The following CNTLN variants were observed in gnomAD, a reference collection of about 807,000 sequenced individuals.
CNTLN encodes the protein centlein, also known as centlein, centrosomal protein.
In CNTLN, 212 loss-of-function variants were observed where a neutral mutation model predicts 180.0. The observed-to-expected ratio is 1.18, with a 90% CI of 1.05 to 1.32. The LOEUF is 1.32. CNTLN is among the 40% of genes most tolerant of loss of function. The pLI is 0.00. For missense variants in CNTLN, 2,095 were observed against 1,610.9 expected (o/e 1.30, Z -5.14); for synonymous variants, 722 against 563.1 (o/e 1.28, Z -3.99).
At chr9:17,293,095 G>A (rs990811111) in intron 6 of CNTLN, among the ~76,000 whole-genome samples, 2 of 152,206 alleles carry the variant, frequency 1.3e-5, no homozygotes. Flanking sequence ...GCACCTGCAG[G>A]TATCAACAGT....
chr9:17,395,030 A>C lies in CNTLN; in HGVS notation c.2576A>C (p.Asn859Thr). 1 of 1,611,392 alleles carries C rather than the reference A, an allele frequency of 6.2e-7. No individual in the cohort carries two copies. Among genetic ancestry groups the C allele is most frequent in the Non-Finnish European group, 8.5e-7 (1 of 1,178,160 alleles). ...SIKVMSNVFE[N>T]LSKDGWEDVS... Reference sequence around the variant, plus strand: ...AAGGTTATGAGCAATGTGTTTGAGAACCTCAGCAAGGACGGCTGGGAGGAT... The same window carrying C: ...AAGGTTATGAGCAATGTGTTTGAGACCCTCAGCAAGGACGGCTGGGAGGAT... Residue 859 changes from asparagine to threonine, a missense_variant, in exon 15 of 26, where the codon AAC (asparagine) becomes ACC (threonine). Transcript: ENST00000380647.
Position 17,463,119 on chromosome 9 carries a change from A to G in CNTLN, c.3404+106A>G, listed in dbSNP as rs559991048. ...GCTAATGTTTACGTTTTCCTTCCCT[A>G]GTTCATATTTAAACCTACCTAAGAT... On this transcript the variant is annotated intron_variant, in intron 20 of 25. Coordinates refer to ENST00000380647, the MANE Select transcript of CNTLN (RefSeq NM_017738.4). The G allele has an allele frequency of 1.2e-3, 727 of 632,084 alleles. 1 individual carries two copies. Among genetic ancestry groups the G allele is most frequent in the Non-Finnish European group, 1.5e-3 (538 of 361,940 alleles). The allele number at this position is 632,084 out of a possible 1,614,324, so 39.2% of individuals were successfully genotyped here. A position where few individuals can be genotyped will look rare whatever the true frequency, so the allele number is the denominator to read the frequency against.
At position 17,135,261 on chromosome 9, in the gene CNTLN, C is replaced by T. The variant is rs2774619; in HGVS notation, c.196C>T (p.Arg66Trp). The T allele has an allele frequency of 8.4e-3, 13,487 of 1,603,302 alleles. 962 individuals are homozygous for T. The African/African-American group carries it at 0.16, about 19-fold the overall frequency. The stretch of plus-strand genomic sequence containing the variant: ...GGTGGGTGAAGAAGGGTCAGGGGGC[C>T]GGCGAGGGCCTGGGGGGGCAGCTCC... ...IWVGEEGSGG[R>W]RGPGGAAPAH... Residue 66 changes from arginine (R) to tryptophan (W), a missense_variant, in exon 1 of 26, where the codon CGG (arginine) becomes TGG (tryptophan). Transcript: ENST00000380647.
At chr9:17,317,394 A>G (rs570381168) in intron 8 of CNTLN, among the ~76,000 whole-genome samples, 8 of 152,326 alleles carry the variant, frequency 5.3e-5, no homozygotes, top group African/African-American at 1.7e-4. Context: ...CATACTGTTA[A>G]CTACAACTCT....
rs113870887 is a variant in CNTLN at position 17,373,438 on chromosome 9, A to G, written c.1987+6721A>G. The stretch of plus-strand genomic sequence containing the variant: ...CGGAGAAGTGAAGAATCTTCCTACA[A>G]TAAAAACTATAGAATATTGATGAAA... On this transcript the variant is annotated intron_variant, in intron 13 of 25. Coordinates refer to ENST00000380647, the MANE Select transcript of CNTLN (RefSeq NM_017738.4). Among the ~76,000 whole-genome samples, 11 of 152,266 alleles carry G rather than the reference A, an allele frequency of 7.2e-5. 1 individual carries two copies. The highest frequency in any genetic ancestry group is 2.4e-4 in the African/African-American group (10 of 41,574).
Position 17,166,206 on chromosome 9 carries a change from CAAAA to C in CNTLN, c.449+22834_449+22837del, listed in dbSNP as rs551516248. ...GTGGATGTGAAACATGAACAGGTGACAAAAAAAGAGAAAGAGTACTTGGAAATTA... is the reference window on the plus strand; with the variant it reads ...GTGGATGTGAAACATGAACAGGTGACAAAGAGAAAGAGTACTTGGAAATTA... On this transcript the variant is annotated intron_variant, in intron 2 of 25. Transcript: ENST00000380647. 2.0e-5 allele frequency among the ~76,000 whole-genome samples: 3 copies of C among 150,438 alleles called. No homozygotes were observed. The East Asian group carries it at 5.8e-4, about 29-fold the overall frequency.
intron 15 of CNTLN, among the ~76,000 whole-genome samples, chr9:17,403,140 G>A (rs1827113304): frequency 6.6e-6 from 1 of 151,730 alleles, no homozygotes; most frequent in Non-Finnish European, 1.5e-5. Context: ...AGGAAGGTCT[G>A]TGGGGAGGTT....
chr9:17,177,237 G>A (rs1020074861), intron 2 of CNTLN, among the ~76,000 whole-genome samples: 2 of 151,920 alleles, frequency 1.3e-5, no homozygotes, highest in African/African-American at 2.4e-5. Context: ...GTGAAACCCC[G>A]TCTCTACTAA....
chr9:17,526,733 A>G, the CNTLN span, among the ~76,000 whole-genome samples: 1 of 112,752 alleles, frequency 8.9e-6, no homozygotes. Flanking sequence ...CAATAGTAAA[A>G]CATGTAAAAA....
intron 1 of CNTLN, among the ~76,000 whole-genome samples, chr9:17,138,309 T>G (rs1817857604): frequency 6.6e-6 from 1 of 152,190 alleles, no homozygotes; most frequent in Non-Finnish European, 1.5e-5. Context: ...ATAAAGCTTA[T>G]TTTTTGGTAT....
intron 12 of CNTLN, among the ~76,000 whole-genome samples, chr9:17,351,131 A>C (rs1332903882): frequency 1.3e-5 from 2 of 152,122 alleles, no homozygotes; most frequent in African/African-American, 4.8e-5. Flanking sequence ...CTCTGGCACC[A>C]TCTCTTCTGG....
At chr9:17,192,730 A>G (rs1027127205) in intron 2 of CNTLN, among the ~76,000 whole-genome samples, 3 of 152,234 alleles carry the variant, frequency 2.0e-5, no homozygotes, top group Non-Finnish European at 4.4e-5. Context: ...AGTGTCAACA[A>G]TGAAACACTA....
At chr9:17,396,144 A>G (rs921531162) in intron 15 of CNTLN, among the ~76,000 whole-genome samples, 6 of 152,212 alleles carry the variant, frequency 3.9e-5, no homozygotes, top group Non-Finnish European at 7.3e-5. Context: ...GGCATGAATA[A>G]TACACCCCTA....
chr9:17,343,520 G>T (rs1821642689), intron 12 of CNTLN, among the ~76,000 whole-genome samples: 1 of 152,058 alleles, frequency 6.6e-6, no homozygotes, highest in African/African-American at 2.4e-5. Flanking sequence ...AGATTTAAAT[G>T]TTGTATGCTC....
chr9:17,331,592 G>T (rs1428516889), intron 9 of CNTLN, among the ~76,000 whole-genome samples: 1 of 151,802 alleles, frequency 6.6e-6, no homozygotes, highest in Non-Finnish European at 1.5e-5. Flanking sequence ...TAAGATAATT[G>T]TTTTTGTTTC....
chr9:17,234,720 T>C (rs1476391619), intron 3 of CNTLN, among the ~76,000 whole-genome samples: 1 of 151,908 alleles, frequency 6.6e-6, no homozygotes, highest in Non-Finnish European at 1.5e-5. Context: ...TCTTTCTTGG[T>C]TGACAGACAG....
Position 17,328,018 on chromosome 9 carries a change from A to G in CNTLN, c.1342-2614A>G, listed in dbSNP as rs1269959135. ...TAAAATCTTTAAGGAAATTCAGGTA[A>G]GTACAAAGAAAATAATTCATATTAC... On this transcript the variant is annotated intron_variant, in intron 8 of 25. Coordinates refer to ENST00000380647, the MANE Select transcript of CNTLN (RefSeq NM_017738.4). Among the ~76,000 whole-genome samples, 11 of 152,168 alleles carry G rather than the reference A, an allele frequency of 7.2e-5. No homozygotes were observed. The South Asian group carries it at 2.3e-3, about 31-fold the overall frequency.
In CNTLN at chr9:17,434,834, GA is replaced by G. The variant is rs542656019; in HGVS notation, c.3114+18656del. ...GAATTTGCAGACAACAGTTCTTTAA[GA>G]AAAAAAAAAAGTTGTTGTTTTGGAA... is the stretch of plus-strand genomic sequence containing the variant. On this transcript the variant is annotated intron_variant, in intron 18 of 25. Coordinates refer to ENST00000380647, the MANE Select transcript of CNTLN (RefSeq NM_017738.4). Among the ~76,000 whole-genome samples the G allele has an allele frequency of 9.1e-3, 1,316 of 145,278 alleles. 15 individuals carry two copies. Among genetic ancestry groups the G allele is most frequent in the African/African-American group, 0.029 (1,175 of 39,890 alleles).
At chr9:17,273,066 G>A (rs1256469661) in intron 5 of CNTLN, among the ~76,000 whole-genome samples, 1 of 151,834 alleles carries the variant, frequency 6.6e-6, no homozygotes, top group African/African-American at 2.4e-5. Flanking sequence ...TGAATGTATG[G>A]TGTTTCTGTT....
Sources: gnomAD v4.1 joint callset for allele counts (sites outside exome capture counted in the v4.1 genomes callset) on GRCh38, gnomAD v4.1.1 for gene constraint, MANE v1.5 for transcripts, NCBI Gene and HGNC (gene_info 2026-07-23, HGNC 2026-07-21) for gene names.